Variants in TP73 observed in about 807,000 individuals in gnomAD.
The protein encoded by TP73 is p53-like transcription factor.
In TP73, 25 loss-of-function variants were observed where a neutral mutation model predicts 62.5. The observed-to-expected ratio is 0.40, with a 90% CI of 0.29 to 0.56. The LOEUF (loss-of-function observed/expected upper bound fraction) is 0.56, where lower values mean the gene tolerates loss of function less well. TP73 is among the 20% of genes least tolerant of loss of function. TP73 has a pLI of 0.46. For missense variants in TP73, 754 were observed against 913.3 expected (o/e 0.83, Z 2.25); for synonymous variants, 423 against 377.5 (o/e 1.12, Z -1.40).
At position 3,699,147 on chromosome 1, in the gene TP73, C is replaced by G. The variant is rs1448990164; in HGVS notation, c.187-8402C>G. Among the ~76,000 whole-genome samples, 16 of 152,110 alleles carry G rather than the reference C, an allele frequency of 1.1e-4. No individual in the cohort carries two copies. Among genetic ancestry groups the G allele is most frequent in the Non-Finnish European group, 1.6e-4 (11 of 68,008 alleles). ...TTGTCGGGAGAGGGAGGCTTCCCCC[C>G]AGCCGCATGTCGAATCTTGTTGGCA... On this transcript the variant is annotated intron_variant, in intron 3 of 13. Coordinates refer to ENST00000378295, the MANE Select transcript of TP73 (RefSeq NM_005427.4). The surrounding 1 kb of genome is among the most constrained non-coding windows in gnomAD (Gnocchi z 4.1).
At chr1:3,721,322 G>A (rs936377829) in intron 4 of TP73, among the ~76,000 whole-genome samples, 1 of 152,232 alleles carries the variant, frequency 6.6e-6, no homozygotes, top group African/African-American at 2.4e-5. Context: ...AGCTCCTCGA[G>A]TCCCAAGCTG....
rs940670632 is a variant in TP73, at chr1:3,701,056, C to T, written c.187-6493C>T. Among the ~76,000 whole-genome samples, 14 of 152,178 alleles carry T rather than the reference C, an allele frequency of 9.2e-5. No homozygotes were observed. The highest frequency in any genetic ancestry group is 1.5e-4 in the Non-Finnish European group (10 of 68,030). On this transcript the variant is annotated intron_variant, in intron 3 of 13. Coordinates refer to ENST00000378295, the MANE Select transcript of TP73 (RefSeq NM_005427.4). This position sits in a 1 kb window ranked among gnomAD's most constrained non-coding sequence, Gnocchi z 4.7. ...TTGGGGCTGTGGCCGACATGGCGGG[C>T]AGTGGCACACCGTGGCCACTTCCCC...
intron 3 of TP73, among the ~76,000 whole-genome samples, chr1:3,706,602 GC>G (rs1557543401): frequency 1.1e-3 from 163 of 152,270 alleles, no homozygotes; most frequent in African/African-American, 3.8e-3. Context: ...TCCAGCACCC[GC>G]CTCTGGATTT....
At chr1:3,676,163 G>C (rs1383968354) in intron 1 of TP73, among the ~76,000 whole-genome samples, 1 of 149,788 alleles carries the variant, frequency 6.7e-6, no homozygotes, top group African/African-American at 2.5e-5. Context: ...GGAGGACGGG[G>C]ACAGGGAGGG....
rs57747154 is a variant in TP73, at chr1:3,706,380, G to A, written c.187-1169G>A. Among the ~76,000 whole-genome samples, 768 of 124,218 alleles carry A rather than the reference G, an allele frequency of 6.2e-3. 6 individuals carry two copies. The highest frequency in any genetic ancestry group is 0.023 in the African/African-American group (666 of 29,078). 81.5% of individuals were successfully genotyped at this position (124,218 alleles called of 152,430 possible). A position where few individuals can be genotyped will look rare whatever the true frequency, so the allele number is the denominator to read the frequency against. On this transcript the variant is annotated intron_variant, in intron 3 of 13. Coordinates refer to ENST00000378295, the MANE Select transcript of TP73 (RefSeq NM_005427.4). ...CGGTGCCCGCCGCAGGCCCGGGGAG[G>A]GGGGTAATAGGGACAATCACGGTGC...
intron 3 of TP73, among the ~76,000 whole-genome samples, chr1:3,691,464 G>T (rs893778034): frequency 1.3e-5 from 2 of 152,146 alleles, no homozygotes; most frequent in African/African-American, 4.8e-5. Flanking sequence ...GGCTCTTCTC[G>T]GTGTGGGTCT....
At chr1:3,700,835 G>A (rs923890332) in intron 3 of TP73, among the ~76,000 whole-genome samples, 3 of 151,972 alleles carry the variant, frequency 2.0e-5, no homozygotes, top group African/African-American at 4.8e-5. Flanking sequence ...GTCAACAGGT[G>A]CAATGGGAAT....
intron 1 of TP73, among the ~76,000 whole-genome samples, chr1:3,676,038 C>T (rs544415477): frequency 4.6e-5 from 7 of 151,026 alleles, no homozygotes; most frequent in African/African-American, 1.7e-4. Flanking sequence ...CATAGCCAGG[C>T]ATGTGGGGAC....
chr1:3,731,288 T>C (rs1642118956), intron 12 of TP73, among the ~76,000 whole-genome samples, 175 bp from the exon 13 acceptor site: 1 of 152,120 alleles, frequency 6.6e-6, no homozygotes, highest in Non-Finnish European at 1.5e-5. Flanking sequence ...CACTGACCTG[T>C]CCCCAGCTGA....
At chr1:3,730,845 AGAGGTGTCTGGAGCCTGGGTG>A in intron 11 of TP73, 61 bp from the exon 12 acceptor site, 2 of 1,485,000 alleles carry the variant, frequency 1.3e-6, no homozygotes, top group South Asian at 2.6e-5. Flanking sequence ...CCTGGTGTCC[AGAGGTGTCTGGAGCCTGGGTG>A]GAGGCTGCAC....
intron 4 of TP73, among the ~76,000 whole-genome samples, chr1:3,716,246 A>G (rs1640586133): frequency 6.6e-6 from 1 of 152,176 alleles, no homozygotes; most frequent in East Asian, 1.9e-4. Context: ...GCTGGCCAGC[A>G]TGGGGGTGCC....
intron 6 of TP73, among the ~76,000 whole-genome samples, chr1:3,725,285 G>T (rs1641411963): frequency 6.6e-6 from 1 of 151,634 alleles, no homozygotes; most frequent in Non-Finnish European, 1.5e-5. Context: ...TGAGAGCAGA[G>T]ACCAGGTCTG....
Position 3,729,595 on chromosome 1 carries a change from TCTC to T in TP73, c.1196+155_1196+157del, listed in dbSNP as rs372059032. ...GGTCCAGAGCAGAGCCCACCCCACA[TCTC>T]CTCCTCCAGGAAGCCTTCTAGCACT... On this transcript the variant is annotated intron_variant, in intron 10 of 13. Transcript: ENST00000378295. 958 of 1,412,144 alleles carry T rather than the reference TCTC, an allele frequency of 6.8e-4. 8 individuals carry two copies. The South Asian group carries it at 8.2e-3, about 12-fold the overall frequency. 87.5% of individuals were successfully genotyped at this position (1,412,144 alleles called of 1,614,324 possible). A position where few individuals can be genotyped will look rare whatever the true frequency, so the allele number is the denominator to read the frequency against.
intron 1 of TP73, among the ~76,000 whole-genome samples, chr1:3,667,423 G>A (rs945849593): frequency 3.3e-5 from 5 of 152,208 alleles, no homozygotes; most frequent in South Asian, 2.1e-4. Context: ...GCGCACATCC[G>A]CATGGTCCCC....
Position 3,710,728 on chromosome 1 carries a change from T to TACACACGCATGTGCAC in TP73, c.429+2944_429+2959dup, listed in dbSNP as rs1553141943. 4.6e-5 allele frequency among the ~76,000 whole-genome samples: 7 copies of TACACACGCATGTGCAC among 152,254 alleles called. No homozygotes were observed. In the East Asian group the frequency reaches 1.2e-3, roughly 25 times the overall value. On this transcript the variant is annotated intron_variant, in intron 4 of 13. Transcript: ENST00000378295. ...TCACAGGTCTGTGCATATGTGTGCA[T>TACACACGCATGTGCAC]ACACACGCATGTGCACACACACAGA...
At chr1:3,729,622 C>A in intron 10 of TP73, 174 bp downstream of exon 10, 1 of 1,218,668 alleles carries the variant, frequency 8.2e-7, no homozygotes, top group Non-Finnish European at 1.2e-6. Flanking sequence ...CCTTCTAGCA[C>A]TTGGGGCTGC....
chr1:3,706,958 C>T (rs1639711155), intron 3 of TP73, among the ~76,000 whole-genome samples: 1 of 152,126 alleles, frequency 6.6e-6, no homozygotes, highest in Non-Finnish European at 1.5e-5. Context: ...GATGAGGCCG[C>T]CCAACTGGGA....
At chr1:3,719,784 C>T (rs944339616) in intron 4 of TP73, among the ~76,000 whole-genome samples, 14 of 152,246 alleles carry the variant, frequency 9.2e-5, no homozygotes, top group Non-Finnish European at 1.6e-4. Flanking sequence ...GACTGCTGTA[C>T]TTCCCGCTGT....
chr1:3,672,572 C>T lies in TP73; in HGVS notation c.-33-9761C>T, dbSNP rs568483069. Among the ~76,000 whole-genome samples, 5 of 152,210 alleles carry T rather than the reference C, an allele frequency of 3.3e-5. No individual in the cohort carries two copies. Among genetic ancestry groups the T allele is most frequent in the Middle Eastern group, 3.4e-3 (1 of 294 alleles). ...AGACACCCACTCTGGCCATAAGCTC[C>T]GCTCTGTCCCAGCCCTGGACCCCTC... On this transcript the variant is annotated intron_variant, in intron 1 of 13. Transcript: ENST00000378295. This position sits in a 1 kb window ranked among gnomAD's most constrained non-coding sequence, Gnocchi z 5.3.
Sources: gnomAD v4.1 joint callset for allele counts (sites outside exome capture counted in the v4.1 genomes callset) on GRCh38, gnomAD v4.1.1 for gene constraint, Gnocchi (gnomAD v3.1) non-coding constraint, MANE v1.5 for transcripts, NCBI Gene and HGNC (gene_info 2026-07-23, HGNC 2026-07-21) for gene names.